CDC42BPA: variants seen among roughly 807,000 people sequenced by gnomAD.
CDC42BPA encodes the protein CDC42 binding protein kinase alpha, also known as serine/threonine-protein kinase MRCK alpha.
In CDC42BPA, 80 loss-of-function variants were observed where a neutral mutation model predicts 223.5. The observed-to-expected ratio is 0.36, with a 90% CI of 0.30 to 0.43. The LOEUF (loss-of-function observed/expected upper bound fraction) is 0.43, where lower values mean the gene tolerates loss of function less well. CDC42BPA is among the 20% of genes least tolerant of loss of function. The pLI is 1.00. For synonymous variants in CDC42BPA, 694 were observed against 718.6 expected (o/e 0.97, Z 0.55); for missense variants, 1,743 against 2,099.9 (o/e 0.83, Z 3.32).
intron 14 of CDC42BPA, among the ~76,000 whole-genome samples, chr1:227,107,498 G>A (rs1050418857): frequency 3.9e-5 from 6 of 152,166 alleles, no homozygotes; most frequent in Non-Finnish European, 5.9e-5. Flanking sequence ...ATGGCTCACT[G>A]AAGTCTCGAC....
chr1:227,266,123 A>C (rs772095273), intron 1 of CDC42BPA, among the ~76,000 whole-genome samples: 35 of 152,212 alleles, frequency 2.3e-4, no homozygotes, highest in Non-Finnish European at 4.1e-4. Flanking sequence ...GTTTTACCCC[A>C]GATGATGAAT....
At chr1:227,237,805 C>CCGAGG (rs1177970747) in intron 2 of CDC42BPA, among the ~76,000 whole-genome samples, 2 of 135,058 alleles carry the variant, frequency 1.5e-5, no homozygotes, top group Non-Finnish European at 3.2e-5. Context: ...CTTTGGGAGG[C>CCGAGG]CGAGGCGGGC....
intron 23 of CDC42BPA, among the ~76,000 whole-genome samples, chr1:227,041,889 T>C (rs1348036982): frequency 6.6e-6 from 1 of 152,218 alleles, no homozygotes; most frequent in Non-Finnish European, 1.5e-5. Flanking sequence ...ACCAGTACTT[T>C]ACATAATTCA....
rs1408796516 is a variant in CDC42BPA, at chr1:227,213,142, T to C, written c.348A>G (p.Arg116=). The change falls in exon 3 of 37, where the codon AGA becomes AGG. Residue 116 remains arginine, a synonymous_variant. Coordinates refer to ENST00000366766, the MANE Select transcript of CDC42BPA (RefSeq NM_001394014.1). ...KILNKWEMLK[R]AETACFREER... is the part of the protein sequence containing the mutation. ...CAATACATAAGACTCTTACCTCAGCTCTTTTCAGCATTTCCCATTTATTCA... is the reference window on the plus strand; with the variant it reads ...CAATACATAAGACTCTTACCTCAGCCCTTTTCAGCATTTCCCATTTATTCA... 2.0e-6 allele frequency: 3 copies of C among 1,518,422 alleles called. No homozygotes were observed. Among genetic ancestry groups the C allele is most frequent in the Non-Finnish European group, 1.8e-6 (2 of 1,103,956 alleles). 94.1% of individuals were successfully genotyped at this position (1,518,422 alleles called of 1,614,324 possible).
chr1:227,003,037 C>T (rs1171301821), intron 35 of CDC42BPA, among the ~76,000 whole-genome samples: 1 of 152,012 alleles, frequency 6.6e-6, no homozygotes, highest in Non-Finnish European at 1.5e-5. Flanking sequence ...CAAGAGATAA[C>T]TAATACAGCA....
intron 5 of CDC42BPA, among the ~76,000 whole-genome samples, chr1:227,187,581 T>G (rs1045043458): frequency 2.7e-5 from 4 of 147,394 alleles, no homozygotes; most frequent in African/African-American, 1.0e-4. Flanking sequence ...GGAAATGGAA[T>G]GAAGCAATAA....
chr1:227,302,749 AGAT>A (rs1691865341), intron 1 of CDC42BPA, among the ~76,000 whole-genome samples: 1 of 151,992 alleles, frequency 6.6e-6, no homozygotes, highest in African/African-American at 2.4e-5. Flanking sequence ...ATCATTCATC[AGAT>A]TATTATTCAG....
chr1:227,228,571 TG>T (rs1357450462), intron 2 of CDC42BPA, among the ~76,000 whole-genome samples: 2 of 152,240 alleles, frequency 1.3e-5, no homozygotes, highest in African/African-American at 4.8e-5. Flanking sequence ...CTGGATCATA[TG>T]GTAATTCTAT....
chr1:227,221,355 C>T (rs548477035), intron 2 of CDC42BPA, among the ~76,000 whole-genome samples: 2 of 152,088 alleles, frequency 1.3e-5, no homozygotes, highest in African/African-American at 4.8e-5. Flanking sequence ...ACTATCTATA[C>T]CCTTATTTGT....
In CDC42BPA at chr1:226,990,030, A is replaced by T. The variant is rs1186; in HGVS notation, c.*4238T>A. 0.39 allele frequency: 58,879 copies of T among 151,198 alleles called. 11,881 individuals carry two copies. Among genetic ancestry groups the T allele is most frequent in the Non-Finnish European group, 0.47 (31,344 of 67,248 alleles). The allele number at this position is 151,198 out of a possible 1,614,324, so 9.4% of individuals were successfully genotyped here. A position where few individuals can be genotyped will look rare whatever the true frequency, so the allele number is the denominator to read the frequency against. ...TTGTTTGGTAGCAGAGGATCTCTTA[A>T]AAAGTTCCCTAAGACACTGAGGGCA... On this transcript the variant is annotated 3_prime_UTR_variant, in exon 37 of 37. Transcript: ENST00000366766.
intron 21 of CDC42BPA, among the ~76,000 whole-genome samples, chr1:227,065,666 G>A (rs76933248): frequency 1.3e-5 from 2 of 152,268 alleles, no homozygotes; most frequent in Non-Finnish European, 2.9e-5. Context: ...AAACCGTACT[G>A]TTTTAAATAA....
At chr1:227,128,763 C>T (rs1656365522) in intron 11 of CDC42BPA, among the ~76,000 whole-genome samples, 1 of 152,142 alleles carries the variant, frequency 6.6e-6, no homozygotes, top group Admixed American at 6.5e-5. Flanking sequence ...TTCCTCTCCT[C>T]ACAAATATGC....
intron 10 of CDC42BPA, among the ~76,000 whole-genome samples, chr1:227,138,631 C>A (rs1214173077): frequency 6.6e-6 from 1 of 150,648 alleles, no homozygotes; most frequent in Non-Finnish European, 1.5e-5. Context: ...GATTTTACAA[C>A]ACAGGATAGG....
chr1:227,167,205 T>G (rs901671220), intron 5 of CDC42BPA, among the ~76,000 whole-genome samples: 8 of 152,250 alleles, frequency 5.3e-5, no homozygotes, highest in Non-Finnish European at 7.3e-5. Flanking sequence ...AAGTTACCTA[T>G]GATTATACCT....
chr1:227,080,964 C>T lies in CDC42BPA; in HGVS notation c.2409G>A (p.Glu803=). ...LSIHNQQLEE[E]VKDLADKKES... ...CTTTCTTGTCTGCTAGATCTTTAACCTCTTCTTCTAACTGCTGGTTGTGTA... is the reference window on the plus strand; with the variant it reads ...CTTTCTTGTCTGCTAGATCTTTAACTTCTTCTTCTAACTGCTGGTTGTGTA... Residue 803 remains glutamate, a synonymous_variant, in exon 17 of 37, where the codon GAG becomes GAA. Coordinates refer to ENST00000366766, the MANE Select transcript of CDC42BPA (RefSeq NM_001394014.1). 5 of 1,613,548 alleles carry T rather than the reference C, an allele frequency of 3.1e-6. No individual in the cohort carries two copies. Among genetic ancestry groups the T allele is most frequent in the South Asian group, 1.1e-5 (1 of 91,062 alleles).
intron 3 of CDC42BPA, among the ~76,000 whole-genome samples, chr1:227,200,125 A>ATTTGT (rs5781470): frequency 0.68 from 103,448 of 151,636 alleles, 35,513 homozygotes; most frequent in South Asian, 0.73. Context: ...CAAACAACAG[A>ATTTGT]TTTGTGTTTT....
chr1:227,018,286 C>G (rs556327793), intron 32 of CDC42BPA, among the ~76,000 whole-genome samples: 16 of 152,190 alleles, frequency 1.1e-4, no homozygotes, highest in African/African-American at 3.6e-4. Flanking sequence ...GAGGGTAAAG[C>G]AGGTCTTGGA....
At chr1:227,209,831 G>A (rs1558770867) in intron 3 of CDC42BPA, among the ~76,000 whole-genome samples, 1 of 151,112 alleles carries the variant, frequency 6.6e-6, no homozygotes, top group Non-Finnish European at 1.5e-5. Context: ...TTTTGGTTGT[G>A]TCTCTGGCCG....
At chr1:226,995,118 G>C (rs1311649129) in intron 35 of CDC42BPA, 138 bp from the exon 36 acceptor site, 1 of 712,514 alleles carries the variant, frequency 1.4e-6, no homozygotes, top group African/African-American at 1.8e-5. Context: ...AAGTCCAACT[G>C]TAGTACCTTT....
Sources: allele counts gnomAD v4.1 joint callset (sites outside exome capture counted in the v4.1 genomes callset), GRCh38; gene constraint gnomAD v4.1.1; transcripts MANE v1.5; gene names NCBI Gene and HGNC (gene_info 2026-07-23, HGNC 2026-07-21).